ADAM10: variants seen among roughly 807,000 people sequenced by gnomAD.
The protein encoded by ADAM10 is ADAM metallopeptidase domain 10.
ADAM10 carries 17 observed loss-of-function variants against 90.1 expected under a neutral mutation model. The ratio of observed to expected loss-of-function variants is 0.19; its 90% CI spans 0.13 to 0.28. The LOEUF is 0.28. Ranked by LOEUF, ADAM10 falls within the 10% of genes least tolerant of loss-of-function variation. The pLI is 1.00. For synonymous variants in ADAM10, 310 were observed against 298.6 expected, an observed-to-expected ratio of 1.04 and a Z score of -0.40; for missense variants, 610 against 914.3, an observed-to-expected ratio of 0.67 and a Z score of 4.29.
intron 5 of ADAM10, among the ~76,000 whole-genome samples, chr15:58,647,898 G>A (rs1438305762): frequency 2.0e-5 from 3 of 152,214 alleles, no homozygotes; most frequent in South Asian, 2.1e-4. Context: ...ATTGAATCCA[G>A]TCAAACATTT....
intron 1 of ADAM10, among the ~76,000 whole-genome samples, chr15:58,737,888 C>T (rs573195210): frequency 6.6e-6 from 1 of 152,270 alleles, no homozygotes; most frequent in South Asian, 2.1e-4. Flanking sequence ...GATAGTGGGT[C>T]ACCATCATCA....
intron 9 of ADAM10, among the ~76,000 whole-genome samples, chr15:58,631,948 T>C (rs986576801): frequency 1.3e-5 from 2 of 152,240 alleles, no homozygotes; most frequent in Non-Finnish European, 2.9e-5. Context: ...CTTAGTGAGA[T>C]GGCACCTATT....
intron 2 of ADAM10, among the ~76,000 whole-genome samples, chr15:58,709,715 G>A (rs1252009342): frequency 6.6e-6 from 1 of 151,984 alleles, no homozygotes; most frequent in African/African-American, 2.4e-5. Context: ...ACTCCAGCCT[G>A]GGTGACAGAG....
intron 4 of ADAM10, 21 bp downstream of exon 4, chr15:58,679,103 T>G: frequency 6.2e-7 from 1 of 1,609,024 alleles, no homozygotes; most frequent in Non-Finnish European, 8.5e-7. Flanking sequence ...AAAGGCTACT[T>G]GATAAAACTT....
intron 5 of ADAM10, among the ~76,000 whole-genome samples, chr15:58,648,968 GT>G (rs879548492): frequency 6.6e-6 from 1 of 152,036 alleles, no homozygotes; most frequent in Non-Finnish European, 1.5e-5. Flanking sequence ...TTTAGGAGCA[GT>G]TTTTGTAAAA....
chr15:58,644,101 A>G (rs1210955879), intron 6 of ADAM10, 123 bp from the exon 7 acceptor site: 1 of 724,390 alleles, frequency 1.4e-6, no homozygotes, highest in South Asian at 1.6e-5. Context: ...AAATGTCAAC[A>G]TTATATACTG....
chr15:58,624,681 C>T (rs545866677), intron 10 of ADAM10, among the ~76,000 whole-genome samples: 7 of 152,190 alleles, frequency 4.6e-5, no homozygotes, highest in Admixed American at 6.5e-5. Context: ...TACAGGCGCA[C>T]GCCACCATGC....
intron 2 of ADAM10, chr15:58,692,310 T>G (rs763681295): frequency 1.6e-6 from 1 of 607,880 alleles, no homozygotes; most frequent in Non-Finnish European, 3.2e-6. Flanking sequence ...CTCCACACTC[T>G]TCCTGGGTGA....
chr15:58,633,116 C>G (rs112185312), intron 9 of ADAM10, 80 bp downstream of exon 9: 2 of 1,351,716 alleles, frequency 1.5e-6, no homozygotes, highest in Admixed American at 3.7e-5. Context: ...TTTGTTTTCA[C>G]GGTGAATTTT....
At chr15:58,616,814 A>G (rs1466993163) in intron 11 of ADAM10, among the ~76,000 whole-genome samples, 1 of 152,236 alleles carries the variant, frequency 6.6e-6, no homozygotes, top group Non-Finnish European at 1.5e-5. Flanking sequence ...GACTAAAAAA[A>G]TACAAAGAAT....
Position 58,704,341 on chromosome 15 carries a change from T to G in ADAM10, c.206+13236A>C, listed in dbSNP as rs112666116. Reference sequence around the variant, plus strand: ...AAATGGGGAGTCACTGTTTAATGAGTACATACTTTCTGTTTGTGATGATGG... The same window carrying G: ...AAATGGGGAGTCACTGTTTAATGAGGACATACTTTCTGTTTGTGATGATGG... On this transcript the variant is annotated intron_variant, in intron 2 of 15. Coordinates refer to ENST00000260408, the MANE Select transcript of ADAM10 (RefSeq NM_001110.4). 3.6e-3 allele frequency among the ~76,000 whole-genome samples: 544 copies of G among 152,266 alleles called. 5 individuals are homozygous for G. Among genetic ancestry groups the G allele is most frequent in the African/African-American group, 0.013 (523 of 41,548 alleles).
chr15:58,728,106 G>A (rs540231272), intron 1 of ADAM10, among the ~76,000 whole-genome samples: 23 of 152,262 alleles, frequency 1.5e-4, no homozygotes, highest in African/African-American at 5.1e-4. Flanking sequence ...CACAAAGCAC[G>A]TTTCCACAAA....
chr15:58,692,870 T>G (rs1241959826), intron 2 of ADAM10: 1 of 676,326 alleles, frequency 1.5e-6, no homozygotes, highest in Non-Finnish European at 2.8e-6. Flanking sequence ...AATGCTTCAG[T>G]ACCAGACTTG....
At chr15:58,605,724 T>A (rs529086765) in intron 14 of ADAM10, among the ~76,000 whole-genome samples, 2 of 152,100 alleles carry the variant, frequency 1.3e-5, no homozygotes, top group African/African-American at 4.8e-5. Flanking sequence ...AGAGAAGACA[T>A]CCAACCATTT....
chr15:58,686,587 C>G, intron 2 of ADAM10: 1 of 1,131,876 alleles, frequency 8.8e-7, no homozygotes, highest in South Asian at 1.3e-5. Context: ...GTAACCCCTT[C>G]TGGGAACCCA....
intron 5 of ADAM10, among the ~76,000 whole-genome samples, chr15:58,660,302 T>C (rs1388924773): frequency 1.3e-5 from 2 of 152,112 alleles, no homozygotes; most frequent in African/African-American, 4.8e-5. Flanking sequence ...CAAGTAATCC[T>C]CCTACTTCAG....
At chr15:58,733,665 T>G (rs143498875) in intron 1 of ADAM10, among the ~76,000 whole-genome samples, 1 of 152,178 alleles carries the variant, frequency 6.6e-6, no homozygotes, top group Non-Finnish European at 1.5e-5. Flanking sequence ...ATAACCTCTA[T>G]AGGGGATTCA....
chr15:58,682,335 G>T, intron 2 of ADAM10, 21 bp from the exon 3 acceptor site: 1 of 1,604,650 alleles, frequency 6.2e-7, no homozygotes, highest in South Asian at 1.1e-5. Context: ...GGATGGGAAG[G>T]GGGAACAACT....
At chr15:58,686,051 T>A (rs1897592101) in intron 2 of ADAM10, among the ~76,000 whole-genome samples, 1 of 152,120 alleles carries the variant, frequency 6.6e-6, no homozygotes, top group Admixed American at 6.5e-5. Flanking sequence ...AGGACTATGA[T>A]TTAAGAAAAA....
Sources: allele counts gnomAD v4.1 joint callset (sites outside exome capture counted in the v4.1 genomes callset), GRCh38; gene constraint gnomAD v4.1.1; transcripts MANE v1.5; gene names NCBI Gene and HGNC (gene_info 2026-07-23, HGNC 2026-07-21).